DGKI: variants seen among roughly 807,000 people sequenced by gnomAD.
DGKI encodes diacylglycerol kinase iota.
In DGKI, 55 loss-of-function variants were observed where a neutral mutation model predicts 147.5. The ratio of observed to expected loss-of-function variants is 0.37; its 90% CI spans 0.30 to 0.47. DGKI has a LOEUF of 0.47. Among genes scored for constraint, DGKI ranks in the 20% least tolerant of loss-of-function variants. The probability of loss-of-function intolerance (pLI) is 1.00; values close to 1 mark genes in which losing one functional copy is unlikely to be tolerated. For synonymous variants in DGKI, 469 were observed against 477.1 expected (o/e 0.98, Z 0.22); for missense variants, 1,007 against 1,323.8 (o/e 0.76, Z 3.71).
chr7:137,519,494 C>T (rs1204983434), intron 21 of DGKI, among the ~76,000 whole-genome samples: 1 of 151,988 alleles, frequency 6.6e-6, no homozygotes, highest in East Asian at 1.9e-4. Context: ...AAATGAATGA[C>T]CTAAGAGGAT....
intron 8 of DGKI, among the ~76,000 whole-genome samples, chr7:137,618,151 A>ATATATATATATATATATATATTTTTTT: frequency 1.9e-4 from 2 of 10,464 alleles, no homozygotes; most frequent in Non-Finnish European, 6.1e-4. Context: ...ATATATATAT[A>ATATATATATATATATATATATTTTTTT]TTTTTTTTTT....
chr7:137,476,131 C>T (rs1167997915), intron 23 of DGKI, among the ~76,000 whole-genome samples: 1 of 152,134 alleles, frequency 6.6e-6, no homozygotes, highest in Admixed American at 6.5e-5. Context: ...TAGAGGCCAG[C>T]TGTCACGATG....
intron 1 of DGKI, among the ~76,000 whole-genome samples, chr7:137,818,764 T>C (rs1797812292): frequency 6.6e-6 from 1 of 152,114 alleles, no homozygotes; most frequent in Non-Finnish European, 1.5e-5. Context: ...TTTGCCCATA[T>C]TTCCAACTCC....
At chr7:137,544,135 G>A (rs1585215592) in intron 20 of DGKI, among the ~76,000 whole-genome samples, 1 of 152,050 alleles carries the variant, frequency 6.6e-6, no homozygotes, top group South Asian at 2.1e-4. Flanking sequence ...TATGTAGCAC[G>A]CACACTCATG....
rs1400456966 is a variant in DGKI at position 137,381,668 on chromosome 7, T to C, written c.*9552A>G. 1 of 152,074 alleles carries C rather than the reference T, an allele frequency of 6.6e-6. No individual in the cohort carries two copies. The highest frequency in any genetic ancestry group is 2.4e-5 in the African/African-American group (1 of 41,416). The allele number at this position is 152,074 out of a possible 1,614,324, so 9.4% of individuals were successfully genotyped here. ...TTCACAAGAATGGTTTTCCTCAGTTTCAGTCAGTGGTGGTCTGTATAATAT... is the reference window on the plus strand; with the variant it reads ...TTCACAAGAATGGTTTTCCTCAGTTCCAGTCAGTGGTGGTCTGTATAATAT... On this transcript the variant is annotated 3_prime_UTR_variant, in exon 33 of 33. Coordinates refer to ENST00000614521, the MANE Select transcript of DGKI (RefSeq NM_001321708.2).
At position 137,581,020 on chromosome 7, in the gene DGKI, A is replaced by G. The variant is rs567387580; in HGVS notation, c.1642+830T>C. On this transcript the variant is annotated intron_variant, in intron 15 of 32. Transcript: ENST00000614521. The stretch of plus-strand genomic sequence containing the variant: ...AGACATGGATATATAGTATAGCTAT[A>G]TTAATAAGAACAGAGTTTAAGAGAC... Among the ~76,000 whole-genome samples, 7 of 152,276 alleles carry G rather than the reference A, an allele frequency of 4.6e-5. No homozygotes were observed. The South Asian group carries it at 1.5e-3, about 32-fold the overall frequency.
Position 137,517,317 on chromosome 7 carries a change from AAGAAAG to A in DGKI, c.2248+4543_2248+4548del, listed in dbSNP as rs1563063948. Among the ~76,000 whole-genome samples, 781 of 134,032 alleles carry A rather than the reference AAGAAAG, an allele frequency of 5.8e-3. 2 individuals carry two copies. The highest frequency in any genetic ancestry group is 0.013 in the African/African-American group (403 of 31,912). The allele number at this position is 134,032 out of a possible 152,430, so 87.9% of individuals were successfully genotyped here. ...AAAGAAAGAAAGAAAGAAAGAAAGA[AAGAAAG>A]AAAGAAAGAAAGAAAGAGAAAGAAA... is the stretch of plus-strand genomic sequence containing the variant. On this transcript the variant is annotated intron_variant, in intron 21 of 32. Coordinates refer to ENST00000614521, the MANE Select transcript of DGKI (RefSeq NM_001321708.2).
At chr7:137,411,655 C>T (rs1585088056) in intron 29 of DGKI, among the ~76,000 whole-genome samples, 3 of 152,100 alleles carry the variant, frequency 2.0e-5, no homozygotes, top group Admixed American at 2.0e-4. Flanking sequence ...CAGTGGTGAC[C>T]GCTTCCTTCC....
At chr7:137,699,235 C>A (rs937855793) in intron 1 of DGKI, among the ~76,000 whole-genome samples, 2 of 152,224 alleles carry the variant, frequency 1.3e-5, no homozygotes, top group Non-Finnish European at 2.9e-5. Context: ...ACCCTCATGA[C>A]CTATTCACCT....
intron 1 of DGKI, among the ~76,000 whole-genome samples, chr7:137,820,726 A>G (rs1047779478): frequency 3.9e-5 from 6 of 152,016 alleles, no homozygotes; most frequent in African/African-American, 1.5e-4. Context: ...GTGTCTGATC[A>G]TGGCCTCTCC....
At chr7:137,452,933 G>C (rs1223170204) in intron 27 of DGKI, 1 of 152,202 alleles carries the variant, frequency 6.6e-6, no homozygotes, top group African/African-American at 2.4e-5. Context: ...GCATTCCCCA[G>C]GTTCCACTTT....
intron 6 of DGKI, among the ~76,000 whole-genome samples, chr7:137,632,981 G>A (rs1563122321): frequency 6.6e-6 from 1 of 152,028 alleles, no homozygotes; most frequent in Non-Finnish European, 1.5e-5. Flanking sequence ...GGGAGGCCGA[G>A]GTGGGCAGAT....
intron 1 of DGKI, among the ~76,000 whole-genome samples, chr7:137,803,388 G>A (rs2116969832): frequency 6.6e-6 from 1 of 152,246 alleles, no homozygotes; most frequent in East Asian, 1.9e-4. Flanking sequence ...TAATGTGACT[G>A]GAACTGTATT....
intron 3 of DGKI, among the ~76,000 whole-genome samples, chr7:137,670,997 A>T (rs562515514): frequency 1.3e-5 from 2 of 152,304 alleles, no homozygotes; most frequent in South Asian, 4.1e-4. Flanking sequence ...TGATTGCCTC[A>T]TCTTCTCACC....
chr7:137,501,485 A>G (rs1816168557), intron 21 of DGKI, among the ~76,000 whole-genome samples: 2 of 152,112 alleles, frequency 1.3e-5, no homozygotes, highest in South Asian at 4.1e-4. Context: ...TTACATTCCC[A>G]TCAACAGTGT....
intron 1 of DGKI, among the ~76,000 whole-genome samples, chr7:137,711,116 A>G (rs926955003): frequency 6.6e-6 from 1 of 152,162 alleles, no homozygotes; most frequent in Non-Finnish European, 1.5e-5. Flanking sequence ...GTGTGACAAT[A>G]TTACCTCTTG....
intron 30 of DGKI, among the ~76,000 whole-genome samples, chr7:137,405,051 G>C (rs1811891398): frequency 6.6e-6 from 1 of 152,146 alleles, no homozygotes; most frequent in Non-Finnish European, 1.5e-5. Context: ...AAGAGAGGAA[G>C]TAGAGAAAGT....
At chr7:137,753,206 A>C (rs1051788896) in intron 1 of DGKI, among the ~76,000 whole-genome samples, 30 of 152,328 alleles carry the variant, frequency 2.0e-4, no homozygotes, top group South Asian at 1.7e-3. Context: ...AAGGAAAAGC[A>C]AGGTGGCTCT....
intron 29 of DGKI, among the ~76,000 whole-genome samples, 170 bp from the exon 30 acceptor site, chr7:137,408,165 A>G (rs1812028638): frequency 6.6e-6 from 1 of 152,248 alleles, no homozygotes; most frequent in South Asian, 2.1e-4. Context: ...GTTATCACTC[A>G]CAGAGATGAC....
Sources: allele counts gnomAD v4.1 joint callset (sites outside exome capture counted in the v4.1 genomes callset), GRCh38; gene constraint gnomAD v4.1.1; transcripts MANE v1.5; gene names NCBI Gene and HGNC (gene_info 2026-07-23, HGNC 2026-07-21).